TRPM8: variants seen among roughly 807,000 people sequenced by gnomAD.
The protein encoded by TRPM8 is TRPM8 cationic channel.
Under a neutral mutation model 133.7 loss-of-function variants are expected in TRPM8, and 110 were observed. The ratio of observed to expected loss-of-function variants is 0.82; its 90% CI spans 0.70 to 0.96. The LOEUF is 0.96. Among genes scored for constraint, TRPM8 ranks in the 40% least tolerant of loss-of-function variants. The probability of loss-of-function intolerance (pLI) is 0.00; values close to 1 mark genes in which losing one functional copy is unlikely to be tolerated. For synonymous variants in TRPM8, 535 were observed against 532.3 expected, an observed-to-expected ratio of 1.01 and a Z score of -0.07; for missense variants, 1,291 against 1,379.5, an observed-to-expected ratio of 0.94 and a Z score of 1.02.
intron 23 of TRPM8, 92 bp from the exon 24 acceptor site, chr2:234,007,978 T>A: frequency 1.6e-6 from 2 of 1,249,158 alleles, no homozygotes; most frequent in Non-Finnish European, 2.3e-6. Context: ...TATTCTGTAC[T>A]TTAATTTAAA....
chr2:233,946,545 C>T (rs1691046806), intron 7 of TRPM8, among the ~76,000 whole-genome samples: 2 of 152,214 alleles, frequency 1.3e-5, no homozygotes, highest in Non-Finnish European at 2.9e-5. Context: ...TGTACTCTCT[C>T]TCTTCCTGTG....
chr2:233,967,826 C>T (rs1441158988), intron 15 of TRPM8, among the ~76,000 whole-genome samples: 3 of 151,994 alleles, frequency 2.0e-5, no homozygotes, highest in African/African-American at 7.3e-5. Flanking sequence ...GGGTGGCTTC[C>T]CAGGTGGGTC....
chr2:234,009,686 C>A (rs148174417), intron 24 of TRPM8, among the ~76,000 whole-genome samples: 52 of 152,224 alleles, frequency 3.4e-4, no homozygotes, highest in African/African-American at 1.1e-3. Flanking sequence ...TAAAATTTCC[C>A]CCTCTGTCCT....
At chr2:233,995,415 G>A (rs1692377583) in intron 21 of TRPM8, among the ~76,000 whole-genome samples, 2 of 152,170 alleles carry the variant, frequency 1.3e-5, no homozygotes, top group Admixed American at 1.3e-4. Context: ...AATCATTATG[G>A]AAGTAATTCA....
At chr2:234,012,979 G>A (rs1231462261) in intron 24 of TRPM8, among the ~76,000 whole-genome samples, 1 of 152,130 alleles carries the variant, frequency 6.6e-6, no homozygotes, top group Non-Finnish European at 1.5e-5. Context: ...CCCCTGGGTG[G>A]TGGTGTCTTC....
intron 1 of TRPM8, among the ~76,000 whole-genome samples, chr2:233,919,359 A>C (rs914893220): frequency 6.6e-6 from 1 of 152,102 alleles, no homozygotes; most frequent in Non-Finnish European, 1.5e-5. Context: ...CCTTTGTTTA[A>C]ATTTTGGCAG....
At chr2:233,928,576 T>C (rs735551) in intron 2 of TRPM8, among the ~76,000 whole-genome samples, 1 of 152,078 alleles carries the variant, frequency 6.6e-6, no homozygotes, top group African/African-American at 2.4e-5. Flanking sequence ...TAAGTAGACT[T>C]GAAATTAGTT....
chr2:233,942,825 G>C (rs1690944132), intron 6 of TRPM8, 77 bp downstream of exon 6: 1 of 1,576,530 alleles, frequency 6.3e-7, no homozygotes, highest in East Asian at 2.2e-5. Context: ...CCTGAACCCT[G>C]GGGCTCTGTG....
At chr2:233,964,981 C>T (rs1574733685) in intron 14 of TRPM8, among the ~76,000 whole-genome samples, 1 of 151,686 alleles carries the variant, frequency 6.6e-6, no homozygotes, top group East Asian at 1.9e-4. Flanking sequence ...GCTCTCTGAT[C>T]CCATGGCCAC....
chr2:233,987,330 A>G (rs966257009), intron 21 of TRPM8, among the ~76,000 whole-genome samples: 4 of 152,378 alleles, frequency 2.6e-5, no homozygotes, highest in South Asian at 2.1e-4. Flanking sequence ...AAATAAAAAC[A>G]TGGACTTTAA....
chr2:233,955,433 T>A, intron 11 of TRPM8, 183 bp downstream of exon 11: 1 of 531,032 alleles, frequency 1.9e-6, no homozygotes, highest in Non-Finnish European at 3.4e-6. Context: ...AACATTGACT[T>A]AGTAGGTTTG....
intron 22 of TRPM8, among the ~76,000 whole-genome samples, chr2:234,000,610 C>G (rs1692533759): frequency 6.6e-6 from 1 of 151,914 alleles, no homozygotes; most frequent in Non-Finnish European, 1.5e-5. Flanking sequence ...AAGAGGAAAG[C>G]ATAGAAATTT....
intron 22 of TRPM8, among the ~76,000 whole-genome samples, chr2:234,002,024 T>C: frequency 6.6e-6 from 1 of 152,034 alleles, no homozygotes; most frequent in Non-Finnish European, 1.5e-5. Flanking sequence ...AAAGCCTTAA[T>C]TAAAAAGTGT....
intron 14 of TRPM8, chr2:233,966,164 T>C (rs1023709428): frequency 6.4e-6 from 1 of 157,416 alleles, no homozygotes; most frequent in African/African-American, 2.4e-5. Context: ...TTTTCCTCTG[T>C]GCCTTATCTG....
chr2:233,926,790 A>G, intron 2 of TRPM8, 136 bp downstream of exon 2: 1 of 677,462 alleles, frequency 1.5e-6, no homozygotes, highest in African/African-American at 1.8e-5. Flanking sequence ...CTTAATGCTC[A>G]GTGCTCTTGT....
At chr2:233,952,085 G>A (rs754112888) in intron 9 of TRPM8, among the ~76,000 whole-genome samples, 1 of 152,066 alleles carries the variant, frequency 6.6e-6, no homozygotes, top group Non-Finnish European at 1.5e-5. Context: ...TAGTCTTCCA[G>A]TCTATCAACC....
chr2:233,958,803 G>T lies in TRPM8; in HGVS notation c.1363-1973G>T, dbSNP rs527993826. Among the ~76,000 whole-genome samples the T allele has an allele frequency of 2.6e-5, 4 of 152,246 alleles. No individual in the cohort carries two copies. The East Asian group carries it at 5.8e-4, about 22-fold the overall frequency. ...GTGATCCCCATGAGACCAACATTAG[G>T]CAGGAACAAAACTAATTAATGCTGC... On this transcript the variant is annotated intron_variant, in intron 11 of 25. Coordinates refer to ENST00000324695, the MANE Select transcript of TRPM8 (RefSeq NM_024080.5).
At chr2:234,014,746 T>C in intron 25 of TRPM8, 92 bp downstream of exon 25, 1 of 497,870 alleles carries the variant, frequency 2.0e-6, no homozygotes, top group Non-Finnish European at 3.5e-6. Context: ...AGTTATTTTA[T>C]TTCCATAAAT....
intron 6 of TRPM8, chr2:233,943,070 T>A: frequency 4.2e-5 from 9 of 212,202 alleles, no homozygotes; most frequent in East Asian, 1.7e-4. Context: ...GCAGTATCTT[T>A]TTTTTTTTTT....
Sources: allele counts gnomAD v4.1 joint callset (sites outside exome capture counted in the v4.1 genomes callset), GRCh38; gene constraint gnomAD v4.1.1; transcripts MANE v1.5; gene names NCBI Gene and HGNC (gene_info 2026-07-23, HGNC 2026-07-21).